The following UST variants were observed in gnomAD, a reference collection of about 807,000 sequenced individuals.
The protein encoded by UST is chondroitin sulfate 2-O-sulfotransferase.
A neutral mutation model predicts 45.6 loss-of-function variants in UST; 21 were observed. That is an observed-to-expected ratio of 0.46 (90% CI 0.33 to 0.66). The LOEUF (loss-of-function observed/expected upper bound fraction) is 0.66, where lower values mean the gene tolerates loss of function less well. UST is among the 30% of genes least tolerant of loss of function. UST has a pLI of 0.02. For missense variants in UST, 463 were observed against 512.4 expected (o/e 0.90, Z 0.93); for synonymous variants, 215 against 200.6 (o/e 1.07, Z -0.61).
chr6:148,950,135 CT>C (rs1442165618), intron 3 of UST, among the ~76,000 whole-genome samples: 1 of 152,214 alleles, frequency 6.6e-6, no homozygotes, highest in Non-Finnish European at 1.5e-5. Context: ...GGTTCTCACA[CT>C]TTTGTGCCTT....
At chr6:148,855,974 A>G (rs1778196374) in intron 1 of UST, among the ~76,000 whole-genome samples, 1 of 152,142 alleles carries the variant, frequency 6.6e-6, no homozygotes, top group Non-Finnish European at 1.5e-5. Context: ...AACTTTTTAC[A>G]ACCTAGTCAA....
chr6:148,927,676 A>T (rs926074029), intron 2 of UST, among the ~76,000 whole-genome samples: 1 of 152,202 alleles, frequency 6.6e-6, no homozygotes, highest in Non-Finnish European at 1.5e-5. Context: ...AAAATGAGAA[A>T]GATAGAAGAC....
intron 2 of UST, among the ~76,000 whole-genome samples, chr6:148,930,528 T>G (rs1229048446): frequency 1.3e-5 from 2 of 152,192 alleles, no homozygotes; most frequent in Non-Finnish European, 2.9e-5. Flanking sequence ...ATTTTCAATA[T>G]TCTGTGCCAC....
chr6:149,052,802 G>A (rs1244694330), intron 7 of UST, among the ~76,000 whole-genome samples: 1 of 152,072 alleles, frequency 6.6e-6, no homozygotes, highest in Non-Finnish European at 1.5e-5. Context: ...TTTGTTGGTG[G>A]GGGAAGACTT....
intron 1 of UST, among the ~76,000 whole-genome samples, chr6:148,823,988 T>A (rs9403988): frequency 0.26 from 39,201 of 152,080 alleles, 6,547 homozygotes; most frequent in East Asian, 0.68. Context: ...AGCACGGCTT[T>A]GACTGATACA....
chr6:149,054,042 C>T (rs1357039660), intron 7 of UST, among the ~76,000 whole-genome samples: 1 of 152,178 alleles, frequency 6.6e-6, no homozygotes, highest in East Asian at 1.9e-4. Context: ...GCTGTGGTTC[C>T]CTACCCTATT....
intron 5 of UST, among the ~76,000 whole-genome samples, chr6:149,016,542 C>T (rs1775901661): frequency 6.6e-6 from 1 of 152,104 alleles, no homozygotes; most frequent in Admixed American, 6.5e-5. Flanking sequence ...AGGCAGGGTG[C>T]TGAGCACTGG....
chr6:148,954,981 G>C (rs1780455458), intron 4 of UST, among the ~76,000 whole-genome samples: 1 of 152,200 alleles, frequency 6.6e-6, no homozygotes, highest in African/African-American at 2.4e-5. Flanking sequence ...TCCCTGTGCT[G>C]GCTCAAGTCT....
At chr6:148,975,289 T>G (rs1254460827) in intron 5 of UST, among the ~76,000 whole-genome samples, 2 of 152,244 alleles carry the variant, frequency 1.3e-5, no homozygotes, top group Admixed American at 6.5e-5. Flanking sequence ...TGAACTAAAA[T>G]GTAACTTGAT....
intron 1 of UST, among the ~76,000 whole-genome samples, chr6:148,884,260 C>T (rs1041451461): frequency 4.6e-5 from 7 of 152,056 alleles, no homozygotes; most frequent in African/African-American, 1.4e-4. Flanking sequence ...TGTGGTATTT[C>T]GTTCATTAAG....
intron 7 of UST, among the ~76,000 whole-genome samples, chr6:149,063,482 C>G (rs1776687283): frequency 6.6e-6 from 1 of 152,146 alleles, no homozygotes; most frequent in African/African-American, 2.4e-5. Flanking sequence ...GAAAAATGTG[C>G]CTTGCCAGCA....
At chr6:148,918,590 A>C (rs1021060853) in intron 2 of UST, among the ~76,000 whole-genome samples, 1 of 152,110 alleles carries the variant, frequency 6.6e-6, no homozygotes, top group Non-Finnish European at 1.5e-5. Context: ...TCTTACTTGC[A>C]TTCTCATGAT....
chr6:149,017,294 G>A (rs111312966), intron 5 of UST, among the ~76,000 whole-genome samples: 1 of 151,824 alleles, frequency 6.6e-6, no homozygotes, highest in African/African-American at 2.4e-5. Flanking sequence ...GGAGAATGGC[G>A]TGAACCCGGG....
At chr6:148,988,106 A>G (rs535671320) in intron 5 of UST, among the ~76,000 whole-genome samples, 2 of 151,960 alleles carry the variant, frequency 1.3e-5, no homozygotes, top group South Asian at 2.1e-4. Context: ...GATGAGTACA[A>G]GGTCCAAGCA....
chr6:148,883,897 C>T (rs891366443), intron 1 of UST, among the ~76,000 whole-genome samples: 7 of 152,074 alleles, frequency 4.6e-5, no homozygotes, highest in East Asian at 1.9e-4. Flanking sequence ...TTTGGGAGCC[C>T]GAGGCGGGCA....
chr6:148,844,391 T>G (rs1364073080), intron 1 of UST, among the ~76,000 whole-genome samples: 1 of 152,212 alleles, frequency 6.6e-6, no homozygotes, highest in Admixed American at 6.5e-5. Flanking sequence ...AGTTCTCGCC[T>G]GTTTTCAATA....
chr6:148,787,970 T>C (rs1271367644), intron 1 of UST, among the ~76,000 whole-genome samples: 1 of 152,206 alleles, frequency 6.6e-6, no homozygotes, highest in East Asian at 1.9e-4. Context: ...AAAAATAGAT[T>C]GCTTGTATTA....
chr6:148,778,930 C>G (rs1377066721), intron 1 of UST, among the ~76,000 whole-genome samples: 1 of 152,106 alleles, frequency 6.6e-6, no homozygotes, highest in Non-Finnish European at 1.5e-5. Context: ...CCCCTCTCTT[C>G]CCTCTGTTTT....
chr6:148,813,721 A>G (rs1277926628), intron 1 of UST, among the ~76,000 whole-genome samples: 1 of 152,166 alleles, frequency 6.6e-6, no homozygotes, highest in South Asian at 2.1e-4. Flanking sequence ...CCATTACGAA[A>G]TAGAATGTGT....
Sources: gnomAD v4.1 joint callset for allele counts (sites outside exome capture counted in the v4.1 genomes callset) on GRCh38, gnomAD v4.1.1 for gene constraint, MANE v1.5 for transcripts, NCBI Gene and HGNC (gene_info 2026-07-23, HGNC 2026-07-21) for gene names.